RASA2: variants seen among roughly 807,000 people sequenced by gnomAD.
RASA2 encodes RAS p21 protein activator 2, also known as ras GTPase-activating protein 2.
Under a neutral mutation model 118.2 loss-of-function variants are expected in RASA2, and 155 were observed. The observed-to-expected ratio is 1.31, with a 90% CI of 1.15 to 1.50. The LOEUF is 1.50. Among genes scored for constraint, RASA2 ranks in the 40% most tolerant of loss-of-function variants. RASA2 has a pLI of 0.00. For missense variants in RASA2, 1,016 were observed against 1,009.6 expected (o/e 1.01, Z -0.09); for synonymous variants, 353 against 349.1 (o/e 1.01, Z -0.12).
intron 3 of RASA2, among the ~76,000 whole-genome samples, chr3:141,518,186 A>G (rs1035358106): frequency 2.0e-5 from 3 of 151,866 alleles, no homozygotes; most frequent in Non-Finnish European, 4.4e-5. Flanking sequence ...CCTACAGCTT[A>G]AAAAATTAAG....
intron 9 of RASA2, among the ~76,000 whole-genome samples, chr3:141,566,556 A>G (rs942390547): frequency 1.3e-5 from 2 of 152,330 alleles, no homozygotes; most frequent in East Asian, 1.9e-4. Context: ...CTGTAGAAAA[A>G]CATTTATGAT....
At chr3:141,591,899 A>G (rs1298716071) in intron 19 of RASA2, among the ~76,000 whole-genome samples, 2 of 151,548 alleles carry the variant, frequency 1.3e-5, no homozygotes, top group African/African-American at 4.9e-5. Flanking sequence ...TTTTTCTGAT[A>G]GCTAAAGAAC....
chr3:141,537,171 C>T (rs1447157946), intron 4 of RASA2, among the ~76,000 whole-genome samples: 1 of 152,082 alleles, frequency 6.6e-6, no homozygotes, highest in East Asian at 1.9e-4. Context: ...ATTATCTTAT[C>T]TCCTTTTTTT....
intron 8 of RASA2, 83 bp from the exon 9 acceptor site, chr3:141,559,811 A>G (rs963321599): frequency 7.1e-5 from 79 of 1,113,234 alleles, no homozygotes; most frequent in Non-Finnish European, 1.0e-4. Flanking sequence ...TGTAATACAG[A>G]TCAAAGTAAT....
At chr3:141,488,553 G>A (rs1439040293) in intron 1 of RASA2, among the ~76,000 whole-genome samples, 2 of 152,170 alleles carry the variant, frequency 1.3e-5, no homozygotes, top group Non-Finnish European at 2.9e-5. Context: ...ATTCCCTGAG[G>A]TAGTCCTGGG....
intron 1 of RASA2, among the ~76,000 whole-genome samples, chr3:141,507,204 G>A (rs1483169662): frequency 6.6e-6 from 1 of 152,118 alleles, no homozygotes; most frequent in Non-Finnish European, 1.5e-5. Context: ...GTTTGATCCA[G>A]ATAGCCACGT....
chr3:141,512,404 C>T, intron 2 of RASA2, 124 bp downstream of exon 2: 1 of 668,262 alleles, frequency 1.5e-6, no homozygotes, highest in Non-Finnish European at 2.4e-6. Context: ...TGTGGCTTTT[C>T]ATTGCCTCAA....
intron 14 of RASA2, 93 bp downstream of exon 14, chr3:141,574,160 GT>G: frequency 2.4e-6 from 2 of 817,922 alleles, no homozygotes; most frequent in Middle Eastern, 4.2e-4. Flanking sequence ...GATATTTAAG[GT>G]TTTTATTTAT....
At chr3:141,548,622 G>A (rs938455943) in intron 5 of RASA2, among the ~76,000 whole-genome samples, 8 of 152,064 alleles carry the variant, frequency 5.3e-5, no homozygotes, top group Admixed American at 2.6e-4. Flanking sequence ...TAAAGGCATG[G>A]TTTCACATAT....
chr3:141,520,326 A>G (rs1041130322), intron 3 of RASA2, among the ~76,000 whole-genome samples: 2 of 152,036 alleles, frequency 1.3e-5, no homozygotes, highest in African/African-American at 4.8e-5. Flanking sequence ...GAACAGTTTC[A>G]AGGTGACAGG....
At chr3:141,533,498 A>G (rs1487062273) in intron 4 of RASA2, among the ~76,000 whole-genome samples, 1 of 152,360 alleles carries the variant, frequency 6.6e-6, no homozygotes, top group African/African-American at 2.4e-5. Context: ...GGGAAATAAC[A>G]TGCAGAAATG....
intron 15 of RASA2, among the ~76,000 whole-genome samples, chr3:141,579,750 A>T (rs555998206): frequency 7.4e-4 from 113 of 152,138 alleles, no homozygotes; most frequent in Non-Finnish European, 1.2e-3. Context: ...CTTATATATA[A>T]TATTGATAAA....
At chr3:141,580,907 AGTCT>A (rs900121986) in intron 16 of RASA2, among the ~76,000 whole-genome samples, 189 bp from the exon 17 acceptor site, 12 of 152,178 alleles carry the variant, frequency 7.9e-5, no homozygotes, top group African/African-American at 1.7e-4. Context: ...GGTGCAGGAC[AGTCT>A]GTCTGTCTGC....
intron 19 of RASA2, among the ~76,000 whole-genome samples, chr3:141,605,906 G>T (rs944525542): frequency 2.6e-5 from 4 of 152,124 alleles, no homozygotes; most frequent in African/African-American, 9.7e-5. Flanking sequence ...TCTGGTGTGG[G>T]TATTCTCTCC....
intron 15 of RASA2, among the ~76,000 whole-genome samples, chr3:141,580,085 A>AAAATATATATAT (rs1553797703): frequency 2.7e-4 from 16 of 59,606 alleles, no homozygotes; most frequent in Non-Finnish European, 3.5e-4. Flanking sequence ...AAAAAAAAAA[A>AAAATATATATAT]ATATATATAT....
At chr3:141,550,293 C>T (rs1036209218) in intron 5 of RASA2, among the ~76,000 whole-genome samples, 1 of 152,172 alleles carries the variant, frequency 6.6e-6, no homozygotes, top group African/African-American at 2.4e-5. Flanking sequence ...CACCAAGATA[C>T]ATAACCTCAA....
At chr3:141,514,514 A>T (rs1022776111) in intron 2 of RASA2, among the ~76,000 whole-genome samples, 5 of 152,202 alleles carry the variant, frequency 3.3e-5, no homozygotes, top group African/African-American at 1.2e-4. Context: ...TACATTTATC[A>T]TGTTACATTC....
chr3:141,499,442 AAAC>A (rs2081747144), intron 1 of RASA2, among the ~76,000 whole-genome samples: 1 of 152,168 alleles, frequency 6.6e-6, no homozygotes, highest in African/African-American at 2.4e-5. Flanking sequence ...ACACACGAAA[AAAC>A]AGTTCTTTGC....
Position 141,540,581 on chromosome 3 carries a change from G to A in RASA2, c.499G>A (p.Gly167Arg). The A allele has an allele frequency of 6.2e-7, 1 of 1,612,712 alleles. No individual in the cohort carries two copies. The highest frequency in any genetic ancestry group is 8.5e-7 in the Non-Finnish European group (1 of 1,179,084). ...LKLNELITEN[G>R]TVCQQLVVHI... ...ACTGAATGAACTGATAACGGAGAAT[G>A]GAACTGTATGCCAGCAGCTTGTTGT... The change falls in exon 5 of 24, where the codon GGA (glycine) becomes AGA (arginine). Residue 167 changes from glycine to arginine, a missense_variant. Gly to Arg is a moderately radical substitution (Grantham distance 125, BLOSUM62 -2). Transcript: ENST00000286364.
Sources: gnomAD v4.1 joint callset for allele counts (sites outside exome capture counted in the v4.1 genomes callset) on GRCh38, gnomAD v4.1.1 for gene constraint, MANE v1.5 for transcripts, NCBI Gene and HGNC (gene_info 2026-07-23, HGNC 2026-07-21) for gene names.